The following NCOA1 variants were observed in gnomAD, a reference collection of about 807,000 sequenced individuals.
NCOA1 encodes Hin-2 protein.
In NCOA1, 35 loss-of-function variants were observed where a neutral mutation model predicts 150.9. The observed-to-expected ratio is 0.23, with a 90% CI of 0.18 to 0.31. The LOEUF is 0.31. Ranked by LOEUF, NCOA1 falls within the 10% of genes least tolerant of loss-of-function variation. The pLI is 1.00. For missense variants in NCOA1, 1,491 were observed against 1,749.3 expected (o/e 0.85, Z 2.63); for synonymous variants, 590 against 630.0 (o/e 0.94, Z 0.95).
At chr2:24,727,591 T>C (rs1020067591) in intron 15 of NCOA1, among the ~76,000 whole-genome samples, 1 of 152,348 alleles carries the variant, frequency 6.6e-6, no homozygotes, top group African/African-American at 2.4e-5. Flanking sequence ...GCGCCTTAAC[T>C]ATGAACTGTA....
chr2:24,576,158 TTTTTGTTTTTTG>T (rs1220815727), intron 2 of NCOA1, among the ~76,000 whole-genome samples: 255 of 95,014 alleles, frequency 2.7e-3, no homozygotes, highest in East Asian at 5.6e-3. Context: ...TGTTTTTTTT[TTTTTGTTTTTTG>T]TTTTTTTTTT....
At chr2:24,651,479 T>G (rs776005199) in intron 4 of NCOA1, among the ~76,000 whole-genome samples, 19 of 152,068 alleles carry the variant, frequency 1.2e-4, no homozygotes, top group Non-Finnish European at 2.4e-4. Context: ...ATAATCTCAT[T>G]TACATGAGGC....
At chr2:24,521,705 T>G (rs781355770) in intron 1 of NCOA1, among the ~76,000 whole-genome samples, 1 of 152,160 alleles carries the variant, frequency 6.6e-6, no homozygotes, top group African/African-American at 2.4e-5. Context: ...GAGTTGGAGA[T>G]CTCCTTAATA....
chr2:24,716,539 C>CA (rs908050380), intron 14 of NCOA1, among the ~76,000 whole-genome samples: 47 of 151,924 alleles, frequency 3.1e-4, no homozygotes, highest in Admixed American at 1.2e-3. Context: ...ATCCCATACA[C>CA]AAAAAAATGA....
intron 19 of NCOA1, among the ~76,000 whole-genome samples, chr2:24,744,757 T>C (rs1663805405): frequency 1.3e-5 from 2 of 152,214 alleles, no homozygotes; most frequent in Admixed American, 6.5e-5. Context: ...CCCAGTTGTT[T>C]TGGTAAATAA....
intron 17 of NCOA1, among the ~76,000 whole-genome samples, chr2:24,738,581 G>A (rs2148658609): frequency 6.6e-6 from 1 of 152,214 alleles, no homozygotes; most frequent in Non-Finnish European, 1.5e-5. Context: ...TTAATGGTTA[G>A]ATGTTAGAAA....
At chr2:24,554,735 C>A (rs779809019) in intron 1 of NCOA1, among the ~76,000 whole-genome samples, 6 of 152,038 alleles carry the variant, frequency 3.9e-5, no homozygotes, top group Non-Finnish European at 7.4e-5. Flanking sequence ...GGGGGATTCT[C>A]GATGTTCTCC....
At chr2:24,603,280 G>A (rs1668211725) in intron 3 of NCOA1, among the ~76,000 whole-genome samples, 1 of 152,184 alleles carries the variant, frequency 6.6e-6, no homozygotes, top group Non-Finnish European at 1.5e-5. Flanking sequence ...CTGGTAGAGG[G>A]TCTTACCTCA....
intron 3 of NCOA1, among the ~76,000 whole-genome samples, chr2:24,625,157 G>A (rs1669349585): frequency 2.0e-5 from 3 of 151,784 alleles, no homozygotes; most frequent in African/African-American, 7.3e-5. Flanking sequence ...ATGTAATTTT[G>A]TTGTGTCATG....
chr2:24,693,043 T>C (rs1389367057), intron 9 of NCOA1, among the ~76,000 whole-genome samples: 1 of 152,168 alleles, frequency 6.6e-6, no homozygotes, highest in African/African-American at 2.4e-5. Context: ...TTGTGTTTTT[T>C]AGTAGATACA....
chr2:24,700,694 A>G (rs1025561534), intron 11 of NCOA1, among the ~76,000 whole-genome samples: 4 of 152,226 alleles, frequency 2.6e-5, no homozygotes, highest in African/African-American at 9.6e-5. Flanking sequence ...AAAAGTTCCC[A>G]GGTTCTGTTC....
chr2:24,573,006 G>A (rs1023216180), intron 2 of NCOA1, among the ~76,000 whole-genome samples: 3 of 152,104 alleles, frequency 2.0e-5, no homozygotes. Flanking sequence ...AATGAAATCT[G>A]GATGCTCTGG....
At chr2:24,505,730 C>T (rs1319663614) in intron 1 of NCOA1, among the ~76,000 whole-genome samples, 1 of 152,128 alleles carries the variant, frequency 6.6e-6, no homozygotes, top group Non-Finnish European at 1.5e-5. Context: ...CTTGGTCTGT[C>T]ATAACACTTC....
At chr2:24,631,794 T>C (rs987067350) in intron 3 of NCOA1, among the ~76,000 whole-genome samples, 1 of 152,208 alleles carries the variant, frequency 6.6e-6, no homozygotes, top group Non-Finnish European at 1.5e-5. Context: ...CACAAACCTT[T>C]CCAATGAACT....
chr2:24,703,107 C>T (rs886453042), intron 11 of NCOA1, among the ~76,000 whole-genome samples: 15 of 152,244 alleles, frequency 9.9e-5, no homozygotes, highest in African/African-American at 3.4e-4. Flanking sequence ...TGCTAGGCTC[C>T]GTGCTAGATA....
chr2:24,496,010 A>C (rs180741116), intron 1 of NCOA1, among the ~76,000 whole-genome samples: 1 of 152,234 alleles, frequency 6.6e-6, no homozygotes, highest in African/African-American at 2.4e-5. Context: ...TGGTTCTGCA[A>C]TCTGGTCCTC....
At chr2:24,540,673 G>A (rs1572398545) in intron 1 of NCOA1, among the ~76,000 whole-genome samples, 1 of 152,004 alleles carries the variant, frequency 6.6e-6, no homozygotes, top group East Asian at 1.9e-4. Context: ...TGGCCAGGCT[G>A]GTCTCGAACT....
At chr2:24,734,533 A>G (rs59238783) in intron 17 of NCOA1, among the ~76,000 whole-genome samples, 11,321 of 152,238 alleles carry the variant, frequency 0.074, 509 homozygotes, top group African/African-American at 0.12. Flanking sequence ...GATGGCTTAC[A>G]CCTATAACCC....
intron 17 of NCOA1, among the ~76,000 whole-genome samples, chr2:24,734,813 A>C (rs1309516067): frequency 6.6e-6 from 1 of 152,160 alleles, no homozygotes; most frequent in Non-Finnish European, 1.5e-5. Context: ...CTAAAAAAAA[A>C]AATTAAAACA....
Sources: allele counts gnomAD v4.1 joint callset (sites outside exome capture counted in the v4.1 genomes callset), GRCh38; gene constraint gnomAD v4.1.1; transcripts MANE v1.5; gene names NCBI Gene and HGNC (gene_info 2026-07-23, HGNC 2026-07-21).